OTOGL: variants seen among roughly 807,000 people sequenced by gnomAD.
OTOGL encodes the protein otogelin-like protein.
OTOGL carries 285 observed loss-of-function variants against 318.5 expected under a neutral mutation model. The ratio of observed to expected loss-of-function variants is 0.89; its 90% CI spans 0.81 to 0.99. The LOEUF (loss-of-function observed/expected upper bound fraction) is 0.99. OTOGL is among the 50% of genes least tolerant of loss of function. The probability of loss-of-function intolerance (pLI) is 0.00; values close to 1 mark genes in which losing one functional copy is unlikely to be tolerated. For missense variants in OTOGL, 2,899 were observed against 2,845.6 expected, an observed-to-expected ratio of 1.02 and a Z score of -0.43; for synonymous variants, 987 against 936.5, an observed-to-expected ratio of 1.05 and a Z score of -0.99.
At chr12:80,338,914 A>G (rs925660222) in intron 42 of OTOGL, among the ~76,000 whole-genome samples, 161 bp from the exon 43 acceptor site, 2 of 152,186 alleles carry the variant, frequency 1.3e-5, no homozygotes, top group South Asian at 4.1e-4. Context: ...ACAATAAAAT[A>G]GCTTAAAGGT....
intron 36 of OTOGL, 74 bp from the exon 37 acceptor site, chr12:80,328,977 A>G: frequency 1.5e-6 from 2 of 1,330,980 alleles, no homozygotes; most frequent in Non-Finnish European, 2.1e-6. Flanking sequence ...GAAGCTAAAG[A>G]GTCCTCTATG....
chr12:80,281,999 T>C (rs1176232421), intron 26 of OTOGL, among the ~76,000 whole-genome samples: 2 of 151,956 alleles, frequency 1.3e-5, no homozygotes, highest in South Asian at 2.1e-4. Flanking sequence ...ATTCTAGAAA[T>C]GCTATTTTGA....
chr12:80,199,004 A>G (rs1439822866), intron 1 of OTOGL, among the ~76,000 whole-genome samples: 2 of 152,208 alleles, frequency 1.3e-5, no homozygotes, highest in Admixed American at 6.5e-5. Flanking sequence ...GTGCATATTT[A>G]TGTGCAATAT....
In OTOGL at chr12:80,296,914, T is replaced by G. The variant is rs1158702576; in HGVS notation, c.3016T>G (p.Ser1006Ala). The change falls in exon 27 of 59, where the codon TCA (serine) becomes GCA (alanine). Residue 1006 changes from serine (S) to alanine (A), a missense_variant. Physicochemically the swap from Ser to Ala is moderately conservative, Grantham distance 99. Transcript: ENST00000547103. Reference protein sequence around the residue: ...DIVCSKSVLISVGDTEIYLND... With the variant: ...DIVCSKSVLIAVGDTEIYLND... ...TGTTTGTTCTAAAAGTGTTTTGATT[T>G]CAGTTGGGGACACTGAAATTTACCT... The G allele has an allele frequency of 6.5e-7, 1 of 1,549,334 alleles. No homozygotes were observed. The highest frequency in any genetic ancestry group is 2.3e-5 in the East Asian group (1 of 43,450).
intron 1 of OTOGL, among the ~76,000 whole-genome samples, chr12:80,128,339 A>G (rs902853363): frequency 1.3e-5 from 2 of 152,172 alleles, no homozygotes; most frequent in African/African-American, 4.8e-5. Context: ...TCAGCAGCGG[A>G]GGCTGCAGAA....
intron 7 of OTOGL, among the ~76,000 whole-genome samples, chr12:80,224,719 G>A (rs1878667461): frequency 1.3e-5 from 2 of 151,936 alleles, no homozygotes; most frequent in South Asian, 4.1e-4. Context: ...TCTCAGCTTG[G>A]CCACTGTTGG....
At position 80,323,835 on chromosome 12, in the gene OTOGL, T is replaced by C. The variant is rs533215852; in HGVS notation, c.4194T>C (p.Leu1398=). The C allele has an allele frequency of 1.4e-5, 22 of 1,606,882 alleles. No individual in the cohort carries two copies. The highest frequency in any genetic ancestry group is 1.3e-4 in the African/African-American group (10 of 74,884). The change falls in exon 35 of 59, where the codon CTT becomes CTC. Residue 1398 remains leucine (L), a synonymous_variant. Coordinates refer to ENST00000547103, the MANE Select transcript of OTOGL (RefSeq NM_001378609.3). ...SDPEALACKF[L]PPVEGCLPYC... ...CTGAAGCACTAGCATGTAAATTTCT[T>C]CCACCGTAAGTAACGTTTACCAATA... is the stretch of plus-strand genomic sequence containing the variant.
Position 80,378,121 on chromosome 12 carries a change from G to A in OTOGL, c.*73G>A. 1 of 1,147,844 alleles carries A rather than the reference G, an allele frequency of 8.7e-7. No homozygotes were observed. The highest frequency in any genetic ancestry group is 1.2e-6 in the Non-Finnish European group (1 of 811,284). The allele number at this position is 1,147,844 out of a possible 1,614,324, so 71.1% of individuals were successfully genotyped here. On this transcript the variant is annotated 3_prime_UTR_variant, in exon 59 of 59. Coordinates refer to ENST00000547103, the MANE Select transcript of OTOGL (RefSeq NM_001378609.3). ...ATTAACTTTTATTGCTATTACTTAGGCATGTGGCAGATTTATGCTGTTTAA... is the reference window on the plus strand; with the variant it reads ...ATTAACTTTTATTGCTATTACTTAGACATGTGGCAGATTTATGCTGTTTAA...
At chr12:80,232,017 A>C (rs1043796651) in intron 8 of OTOGL, among the ~76,000 whole-genome samples, 8 of 152,096 alleles carry the variant, frequency 5.3e-5, no homozygotes, top group African/African-American at 1.9e-4. Context: ...GTACTGATGG[A>C]TGAAAGGATA....
intron 1 of OTOGL, among the ~76,000 whole-genome samples, chr12:80,122,245 T>C (rs1336628315): frequency 1.3e-5 from 2 of 151,742 alleles, no homozygotes; most frequent in African/African-American, 4.9e-5. Flanking sequence ...AAAATTCCAA[T>C]GTATAAGCAA....
chr12:80,204,024 T>C (rs1876641728), intron 1 of OTOGL, among the ~76,000 whole-genome samples: 1 of 152,162 alleles, frequency 6.6e-6, no homozygotes, highest in Non-Finnish European at 1.5e-5. Context: ...AACTAGTATA[T>C]TTTCACTGCA....
At chr12:80,349,303 T>G (rs989266454) in intron 44 of OTOGL, among the ~76,000 whole-genome samples, 1 of 152,200 alleles carries the variant, frequency 6.6e-6, no homozygotes, top group African/African-American at 2.4e-5. Context: ...ATATATTAGC[T>G]CATTTAATTT....
chr12:80,114,937 G>A (rs1341423392), intron 1 of OTOGL, among the ~76,000 whole-genome samples: 3 of 151,588 alleles, frequency 2.0e-5, no homozygotes, highest in East Asian at 2.0e-4. Context: ...ACTTCATGAA[G>A]TTCTTGTGCT....
In OTOGL at chr12:80,291,324, G is replaced by A. The variant is rs114035673; in HGVS notation, c.2929-5503G>A. Among the ~76,000 whole-genome samples, 270 of 152,222 alleles carry A rather than the reference G, an allele frequency of 1.8e-3. 1 individual carries two copies. Among genetic ancestry groups the A allele is most frequent in the African/African-American group, 6.3e-3 (262 of 41,536 alleles). The stretch of plus-strand genomic sequence containing the variant: ...TGTACTTGCAAAATAAGTTTTAATC[G>A]TAGTATATTTGGCTTGATTATTTGC... On this transcript the variant is annotated intron_variant, in intron 26 of 58. Coordinates refer to ENST00000547103, the MANE Select transcript of OTOGL (RefSeq NM_001378609.3).
chr12:80,269,353 C>A (rs1398508585), intron 22 of OTOGL, among the ~76,000 whole-genome samples: 1 of 152,136 alleles, frequency 6.6e-6, no homozygotes, highest in Non-Finnish European at 1.5e-5. Flanking sequence ...GTGGCTCTTG[C>A]CTTATACTCT....
At chr12:80,280,872 G>T (rs73358955) in intron 26 of OTOGL, among the ~76,000 whole-genome samples, 12,161 of 151,902 alleles carry the variant, frequency 0.08, 543 homozygotes, top group South Asian at 0.14. Flanking sequence ...ATTTCTTTCA[G>T]CAGTGTTTTG....
intron 1 of OTOGL, among the ~76,000 whole-genome samples, chr12:80,189,650 A>G (rs1875537600): frequency 6.6e-6 from 1 of 152,222 alleles, no homozygotes; most frequent in Admixed American, 6.5e-5. Context: ...CCTGAGCCCC[A>G]TACCTAGAAA....
At chr12:80,147,803 T>C (rs534538502) in intron 1 of OTOGL, among the ~76,000 whole-genome samples, 1 of 152,302 alleles carries the variant, frequency 6.6e-6, no homozygotes, top group East Asian at 1.9e-4. Context: ...CCTTTACCAT[T>C]ATATAATGGC....
At chr12:80,318,424 T>G (rs951805893) in intron 32 of OTOGL, 122 bp from the exon 33 acceptor site, 1 of 574,630 alleles carries the variant, frequency 1.7e-6, no homozygotes, top group Non-Finnish European at 2.6e-6. Context: ...ATTTTATTAG[T>G]GATAAATTTT....
Sources: allele counts gnomAD v4.1 joint callset (sites outside exome capture counted in the v4.1 genomes callset), GRCh38; gene constraint gnomAD v4.1.1; transcripts MANE v1.5; gene names NCBI Gene and HGNC (gene_info 2026-07-23, HGNC 2026-07-21).